KAT14: variants seen among roughly 807,000 people sequenced by gnomAD.
The protein encoded by KAT14 is lysine acetyltransferase 14.
Under a neutral mutation model 78.4 loss-of-function variants are expected in KAT14, and 66 were observed. That is an observed-to-expected ratio of 0.84 (90% CI 0.69 to 1.03). The LOEUF is 1.03. Ranked by LOEUF, KAT14 falls within the 50% of genes least tolerant of loss-of-function variation. KAT14 has a pLI of 0.00. For missense variants in KAT14, 870 were observed against 972.5 expected, an observed-to-expected ratio of 0.89 and a Z score of 1.40; for synonymous variants, 344 against 359.4, an observed-to-expected ratio of 0.96 and a Z score of 0.48.
In KAT14 at chr20:18,187,602, C is replaced by G; in HGVS notation, c.*143C>G. 1 of 1,384,260 alleles carries G rather than the reference C, an allele frequency of 7.2e-7. No individual in the cohort carries two copies. The highest frequency in any genetic ancestry group is 1.4e-5 in the South Asian group (1 of 71,846). 85.7% of individuals were successfully genotyped at this position (1,384,260 alleles called of 1,614,324 possible). A position where few individuals can be genotyped will look rare whatever the true frequency, so the allele number is the denominator to read the frequency against. Reference sequence around the variant, plus strand: ...AAACTCCCAACCAAAGTGAGAAAAGCGGCATGCAGTGAAATGAGCAGTGAG... The same window carrying G: ...AAACTCCCAACCAAAGTGAGAAAAGGGGCATGCAGTGAAATGAGCAGTGAG... On this transcript the variant is annotated 3_prime_UTR_variant, in exon 11 of 11. Transcript: ENST00000688188.
At position 18,162,106 on chromosome 20, in the gene KAT14, G is replaced by A. The variant is rs371845740; in HGVS notation, c.966G>A (p.Leu322=). The change falls in exon 6 of 11, where the codon CTG becomes CTA. Residue 322 remains leucine, a synonymous_variant. Transcript: ENST00000688188. The part of the protein sequence containing the change: ...SSLSSSDRTP[L]TSPSPSPSLD... ...TGAGCTCCTCTGACCGCACCCCGCT[G>A]ACAAGCCCATCTCCTTCTCCTTCTC... 8.1e-6 allele frequency: 13 copies of A among 1,614,078 alleles called. No homozygotes were observed. Among genetic ancestry groups the A allele is most frequent in the Non-Finnish European group, 1.0e-5 (12 of 1,180,042 alleles).
At chr20:18,170,118 A>G (rs1019218465) in intron 7 of KAT14, among the ~76,000 whole-genome samples, 4 of 152,268 alleles carry the variant, frequency 2.6e-5, no homozygotes, top group African/African-American at 9.6e-5. Flanking sequence ...AAAAGAGTGC[A>G]AGTTAAAGCA....
chr20:18,148,838 G>T (rs2037929405), intron 3 of KAT14, among the ~76,000 whole-genome samples: 1 of 152,026 alleles, frequency 6.6e-6, no homozygotes, highest in African/African-American at 2.4e-5. Context: ...TTGAACTCCT[G>T]ACCTCACGTG....
rs193240214 is a variant in KAT14, at chr20:18,142,507, C to G, written c.-154C>G. On this transcript the variant is annotated 5_prime_UTR_variant, in exon 2 of 11. Coordinates refer to ENST00000688188, the MANE Select transcript of KAT14 (RefSeq NM_001392073.1). ...GGACAGTGGGTCATATAAGTTACTG[C>G]TTTCAGGGTCCCTTATATCTGAATA... The G allele has an allele frequency of 2.3e-5, 33 of 1,459,534 alleles. No homozygotes were observed. The African/African-American group carries it at 4.7e-4, about 21-fold the overall frequency. 90.4% of individuals were successfully genotyped at this position (1,459,534 alleles called of 1,614,324 possible).
At chr20:18,138,203 C>CT in intron 1 of KAT14, 152 bp downstream of exon 1, 2 of 1,267,056 alleles carry the variant, frequency 1.6e-6, no homozygotes, top group Non-Finnish European at 2.0e-6. Context: ...GCGGCTGCGG[C>CT]CGGCGGCCGC....
intron 7 of KAT14, among the ~76,000 whole-genome samples, chr20:18,176,159 A>C (rs1460504654): frequency 1.3e-5 from 2 of 152,064 alleles, no homozygotes; most frequent in African/African-American, 4.8e-5. Context: ...AAAATTAGCC[A>C]GGCATGCTGG....
rs773313082 is a variant in KAT14, at chr20:18,162,897, C to A, written c.1620C>A (p.Ala540=). ...TTTCCAGACTTCCAGCTGGACAAGC[C>A]ACGTACAGAACCACCTGTCAGGACT... The part of the protein sequence containing the change: ...GGISRLPAGQ[A]TYRTTCQDFR... The change falls in exon 7 of 11, where the codon GCC becomes GCA. Residue 540 remains alanine (A), a synonymous_variant. Transcript: ENST00000688188. The A allele has an allele frequency of 1.2e-6, 2 of 1,614,140 alleles. No individual in the cohort carries two copies. Among genetic ancestry groups the A allele is most frequent in the Non-Finnish European group, 1.7e-6 (2 of 1,180,026 alleles).
At position 18,161,933 on chromosome 20, in the gene KAT14, C is replaced by G. The variant is rs1600227234; in HGVS notation, c.793C>G (p.Gln265Glu). The change falls in exon 6 of 11, where the codon CAG becomes GAG. Residue 265 changes from glutamine (Q) to glutamate (E), a missense_variant. Transcript: ENST00000688188. ...MELKEKRSRT[Q>E]EAKDIRRAQK... ...ATTAAAAGAGAAAAGGTCTCGAACT[C>G]AGGAAGCAAAAGACATTAGAAGAGC... 2 of 1,614,230 alleles carry G rather than the reference C, an allele frequency of 1.2e-6. No individual in the cohort carries two copies. Among genetic ancestry groups the G allele is most frequent in the Admixed American group, 3.3e-5 (2 of 60,024 alleles).
intron 7 of KAT14, among the ~76,000 whole-genome samples, chr20:18,173,065 G>T (rs562712323): frequency 6.6e-6 from 1 of 152,256 alleles, no homozygotes; most frequent in Admixed American, 6.5e-5. Context: ...AATAGGTTAG[G>T]CTCTGATAAA....
At chr20:18,143,860 C>T (rs1299620954) in intron 2 of KAT14, among the ~76,000 whole-genome samples, 2 of 152,046 alleles carry the variant, frequency 1.3e-5, no homozygotes, top group East Asian at 3.9e-4. Context: ...AAACTCCCAA[C>T]CTCAGGTGAT....
At chr20:18,172,029 T>G (rs1242519686) in intron 7 of KAT14, among the ~76,000 whole-genome samples, 4 of 152,188 alleles carry the variant, frequency 2.6e-5, no homozygotes, top group Non-Finnish European at 5.9e-5. Flanking sequence ...AACAATAAAG[T>G]GTTTAAAATT....
rs2039332091 is a variant in KAT14, at chr20:18,183,302, T to C, written c.1981+4T>C. Reference sequence around the variant, plus strand: ...TGTCAGGAGTTTTTTTGGCCTGGTATGTTCCCCCTCCCAAACCAGGCAGGT... The same window carrying C: ...TGTCAGGAGTTTTTTTGGCCTGGTACGTTCCCCCTCCCAAACCAGGCAGGT... On this transcript the variant is annotated splice_donor_region_variant and intron_variant, in intron 9 of 10. Transcript: ENST00000688188. The C allele has an allele frequency of 6.2e-7, 1 of 1,611,582 alleles. No homozygotes were observed. Among genetic ancestry groups the C allele is most frequent in the Non-Finnish European group, 8.5e-7 (1 of 1,178,218 alleles).
At chr20:18,138,422 C>CT (rs2037385439) in intron 1 of KAT14, 2 of 1,010,572 alleles carry the variant, frequency 2.0e-6, no homozygotes, top group South Asian at 9.3e-5. Flanking sequence ...CCACATCTCA[C>CT]TTGGGCCGCT....
chr20:18,165,808 C>T (rs765567080), intron 7 of KAT14, among the ~76,000 whole-genome samples: 1 of 152,094 alleles, frequency 6.6e-6, no homozygotes, highest in Non-Finnish European at 1.5e-5. Context: ...GAAGTGGGAT[C>T]CTCTGTATTT....
chr20:18,181,364 CTTTTTTTTTTTTT>C (rs762890490), intron 7 of KAT14, among the ~76,000 whole-genome samples: 1 of 106,800 alleles, frequency 9.4e-6, no homozygotes, highest in Non-Finnish European at 1.9e-5. Context: ...AATTTTGTTT[CTTTTTTTTTTTTT>C]TTTTTTTTTG....
chr20:18,149,904 C>T (rs1308732093), intron 3 of KAT14, among the ~76,000 whole-genome samples: 2 of 152,012 alleles, frequency 1.3e-5, no homozygotes, highest in African/African-American at 4.8e-5. Context: ...GAGCCGAGAT[C>T]GCACCATCAC....
chr20:18,157,522 C>A (rs982027053), intron 4 of KAT14, among the ~76,000 whole-genome samples: 3 of 152,106 alleles, frequency 2.0e-5, no homozygotes, highest in East Asian at 3.9e-4. Flanking sequence ...TAAGTATGTT[C>A]ACGTATTTGA....
intron 3 of KAT14, among the ~76,000 whole-genome samples, chr20:18,148,527 A>C (rs966737460): frequency 6.6e-6 from 1 of 152,036 alleles, no homozygotes; most frequent in Non-Finnish European, 1.5e-5. Flanking sequence ...CTGTGGATAC[A>C]TTGGTCCACA....
intron 1 of KAT14, among the ~76,000 whole-genome samples, chr20:18,140,942 G>C (rs886738616): frequency 2.0e-5 from 3 of 148,476 alleles, no homozygotes; most frequent in African/African-American, 5.0e-5. Context: ...ACTGCAGCCT[G>C]TGCCTCCCAG....
Sources: gnomAD v4.1 joint callset for allele counts (sites outside exome capture counted in the v4.1 genomes callset) on GRCh38, gnomAD v4.1.1 for gene constraint, MANE v1.5 for transcripts, NCBI Gene and HGNC (gene_info 2026-07-23, HGNC 2026-07-21) for gene names.